CEP63: variants seen among roughly 807,000 people sequenced by gnomAD.
The protein encoded by CEP63 is centrosomal protein 63.
CEP63 carries 84 observed loss-of-function variants against 89.1 expected under a neutral mutation model. The observed-to-expected ratio is 0.94, with a 90% confidence interval of 0.79 to 1.13. CEP63 has a LOEUF of 1.13. CEP63 is among the 50% of genes most tolerant of loss of function. The probability of loss-of-function intolerance (pLI) is 0.00; values close to 1 mark genes in which losing one functional copy is unlikely to be tolerated. For missense variants in CEP63, 838 were observed against 813.3 expected (o/e 1.03, Z -0.37); for synonymous variants, 267 against 272.5 (o/e 0.98, Z 0.20).
the CEP63 span, among the ~76,000 whole-genome samples, chr3:134,616,927 GTC>G: frequency 6.6e-6 from 1 of 152,198 alleles, no homozygotes; most frequent in Non-Finnish European, 1.5e-5. Flanking sequence ...AGGCAATCTA[GTC>G]TCCAATATAT....
the CEP63 span, chr3:134,608,539 T>C: frequency 6.2e-7 from 1 of 1,602,724 alleles, no homozygotes. Flanking sequence ...TCACAAGCCA[T>C]GCGTCTGGAA....
chr3:134,652,227 C>T, the CEP63 span, among the ~76,000 whole-genome samples: 2 of 152,094 alleles, frequency 1.3e-5, no homozygotes, highest in Non-Finnish European at 2.9e-5. Context: ...GAATGTAAGG[C>T]GCCTGGTGTA....
At chr3:134,676,237 T>C in the CEP63 span, among the ~76,000 whole-genome samples, 1 of 152,238 alleles carries the variant, frequency 6.6e-6, no homozygotes, top group Non-Finnish European at 1.5e-5. Flanking sequence ...CAATGGAATA[T>C]ATTTAGGCAT....
At chr3:134,515,392 A>T (rs983972545) in intron 3 of CEP63, among the ~76,000 whole-genome samples, 10 of 152,240 alleles carry the variant, frequency 6.6e-5, no homozygotes, top group African/African-American at 2.4e-4. Flanking sequence ...GTCCAACTGG[A>T]TCAGATAAAC....
At chr3:134,721,286 C>T in the CEP63 span, among the ~76,000 whole-genome samples, 1 of 152,062 alleles carries the variant, frequency 6.6e-6, no homozygotes, top group Admixed American at 6.5e-5. Flanking sequence ...GTGTTTATTA[C>T]TGGTATAAAA....
chr3:134,594,958 G>A, the CEP63 span, among the ~76,000 whole-genome samples: 2 of 152,218 alleles, frequency 1.3e-5, no homozygotes, highest in African/African-American at 2.4e-5. Flanking sequence ...CTCAGGTGAG[G>A]TCAGGAGGCC....
At chr3:134,532,118 CTG>C (rs1174761719) in intron 4 of CEP63, among the ~76,000 whole-genome samples, 178 bp downstream of exon 4, 1 of 152,186 alleles carries the variant, frequency 6.6e-6, no homozygotes, top group African/African-American at 2.4e-5. Context: ...GTTTGCCTAA[CTG>C]TAGGTTTGAT....
the CEP63 span, chr3:134,620,714 G>T: frequency 6.8e-7 from 1 of 1,475,548 alleles, no homozygotes. Flanking sequence ...GGAAGCAAGG[G>T]ATTCTAGAGC....
the CEP63 span, among the ~76,000 whole-genome samples, chr3:134,689,145 C>T: frequency 6.6e-6 from 1 of 151,816 alleles, no homozygotes; most frequent in South Asian, 2.1e-4. Context: ...TTCTCTCTCT[C>T]TCCCTCTCTC....
chr3:134,739,174 C>A, the CEP63 span, among the ~76,000 whole-genome samples: 1 of 152,054 alleles, frequency 6.6e-6, no homozygotes, highest in African/African-American at 2.4e-5. Flanking sequence ...GGTGTTCACA[C>A]AAAATGTATA....
the CEP63 span, among the ~76,000 whole-genome samples, chr3:134,766,349 C>T: frequency 6.6e-6 from 1 of 152,222 alleles, no homozygotes; most frequent in African/African-American, 2.4e-5. Flanking sequence ...GTTCTGGTGC[C>T]TGCTTTCTGA....
chr3:134,741,137 C>T, the CEP63 span, among the ~76,000 whole-genome samples: 7 of 152,154 alleles, frequency 4.6e-5, no homozygotes, highest in African/African-American at 1.7e-4. Context: ...CCTATGTCCC[C>T]ACTCAGTTTT....
intron 3 of CEP63, chr3:134,511,504 A>G (rs913128213): frequency 2.6e-5 from 4 of 152,558 alleles, no homozygotes; most frequent in African/African-American, 9.7e-5. Context: ...ACTAGAAAAT[A>G]GGGCTTTATG....
chr3:134,585,965 T>G (rs1420986018), intron 10 of CEP63, among the ~76,000 whole-genome samples: 1 of 152,198 alleles, frequency 6.6e-6, no homozygotes, highest in Non-Finnish European at 1.5e-5. Context: ...CTTCTTTGTC[T>G]CTTTAGATCT....
chr3:134,630,782 A>T, the CEP63 span, among the ~76,000 whole-genome samples: 1 of 152,244 alleles, frequency 6.6e-6, no homozygotes, highest in Admixed American at 6.5e-5. Flanking sequence ...TAATTTGAAA[A>T]GGAAAAGATA....
chr3:134,660,184 A>T, the CEP63 span, among the ~76,000 whole-genome samples: 1 of 152,248 alleles, frequency 6.6e-6, no homozygotes, highest in East Asian at 1.9e-4. Flanking sequence ...AAAGTGGGGC[A>T]TGTTCAATTC....
At chr3:134,714,887 G>T in the CEP63 span, among the ~76,000 whole-genome samples, 3 of 152,222 alleles carry the variant, frequency 2.0e-5, no homozygotes, top group Non-Finnish European at 4.4e-5. Context: ...GGAGAAGACA[G>T]GTAGGTAAAT....
chr3:134,712,006 G>A, the CEP63 span, among the ~76,000 whole-genome samples: 2 of 151,902 alleles, frequency 1.3e-5, no homozygotes, highest in East Asian at 1.9e-4. Context: ...CACCCTCCTC[G>A]GCCTCCCAAA....
chr3:134,747,745 T>A, the CEP63 span, among the ~76,000 whole-genome samples: 1 of 152,196 alleles, frequency 6.6e-6, no homozygotes, highest in Non-Finnish European at 1.5e-5. Flanking sequence ...GCCCTTAATC[T>A]ATGGGAAGTG....
Sources: allele counts gnomAD v4.1 joint callset (sites outside exome capture counted in the v4.1 genomes callset), GRCh38; gene constraint gnomAD v4.1.1; transcripts MANE v1.5; gene names NCBI Gene and HGNC (gene_info 2026-07-23, HGNC 2026-07-21).